LRRIQ1: variants seen among roughly 807,000 people sequenced by gnomAD.
LRRIQ1 encodes the protein leucine-rich repeat- and IQ domain-containing protein 1.
In LRRIQ1, 210 loss-of-function variants were observed where a neutral mutation model predicts 211.9. The ratio of observed to expected loss-of-function variants is 0.99; its 90% CI spans 0.89 to 1.11. The LOEUF is 1.11. LRRIQ1 is among the 50% of genes most tolerant of loss of function. The pLI is 0.00. For synonymous variants in LRRIQ1, 699 were observed against 650.1 expected, an observed-to-expected ratio of 1.08 and a Z score of -1.14; for missense variants, 2,136 against 1,939.5, an observed-to-expected ratio of 1.10 and a Z score of -1.90.
At chr12:85,265,495 A>T (rs1294734381), downstream of LRRIQ1, among the ~76,000 whole-genome samples, 3 of 152,036 alleles carry the variant, frequency 2.0e-5, no homozygotes, top group Non-Finnish European at 4.4e-5. Context: ...ATTATCTGCC[A>T]TGATATTTTT....
intron 23 of LRRIQ1, among the ~76,000 whole-genome samples, chr12:85,155,391 G>GAAAT (rs1438046856): frequency 1.3e-5 from 2 of 151,640 alleles, no homozygotes; most frequent in East Asian, 3.9e-4. Context: ...GTTACCCAGT[G>GAAAT]AAATAGTAAC....
At chr12:85,094,645 A>G (rs1885704623) in intron 11 of LRRIQ1, among the ~76,000 whole-genome samples, 1 of 152,188 alleles carries the variant, frequency 6.6e-6, no homozygotes, top group East Asian at 1.9e-4. Flanking sequence ...TTCTAATTCT[A>G]TAAAAAATGA....
downstream of LRRIQ1, among the ~76,000 whole-genome samples, chr12:85,245,389 G>A (rs1363030796): frequency 4.0e-5 from 6 of 150,766 alleles, no homozygotes; most frequent in Admixed American, 4.0e-4. Context: ...TATTTCCATT[G>A]CATATGTAAG....
chr12:85,229,135 A>C (rs1431479944), intron 24 of LRRIQ1, among the ~76,000 whole-genome samples: 1 of 152,204 alleles, frequency 6.6e-6, no homozygotes, highest in Non-Finnish European at 1.5e-5. Context: ...CATATGGATA[A>C]GAGTGGTATA....
chr12:85,095,721 C>G (rs948746373), intron 11 of LRRIQ1, among the ~76,000 whole-genome samples: 1 of 152,128 alleles, frequency 6.6e-6, no homozygotes, highest in Non-Finnish European at 1.5e-5. Context: ...CTGGTGCCAG[C>G]TCTTCCTGGT....
chr12:85,257,028 A>G (rs1324861426), intron 1 of LRRIQ1, among the ~76,000 whole-genome samples: 5 of 120,180 alleles, frequency 4.2e-5, no homozygotes, highest in African/African-American at 9.6e-5. Flanking sequence ...ATATATACAT[A>G]TAATATATAT....
chr12:85,069,366 G>C (rs1243926398), intron 10 of LRRIQ1, among the ~76,000 whole-genome samples: 2 of 152,008 alleles, frequency 1.3e-5, no homozygotes, highest in African/African-American at 4.8e-5. Context: ...TTGGTTCCAA[G>C]TCTTTGCTAT....
At chr12:85,102,739 A>T (rs572065028) in intron 13 of LRRIQ1, among the ~76,000 whole-genome samples, 1 of 151,220 alleles carries the variant, frequency 6.6e-6, no homozygotes, top group East Asian at 1.9e-4. Context: ...GGTGTTTTCT[A>T]TGGCAGTGAG....
At chr12:85,154,329 A>G (rs563427484) in intron 23 of LRRIQ1, among the ~76,000 whole-genome samples, 1 of 151,278 alleles carries the variant, frequency 6.6e-6, no homozygotes, top group East Asian at 1.9e-4. Flanking sequence ...ATACTTTGCT[A>G]TTGATTGTTC....
In LRRIQ1 at chr12:85,124,134, AG is replaced by A. The variant is rs1448704907; in HGVS notation, c.3623del (p.Ser1208IlefsTer13). 3 of 1,614,004 alleles carry A rather than the reference AG, an allele frequency of 1.9e-6. No homozygotes were observed. Among genetic ancestry groups the A allele is most frequent in the Admixed American group, 1.7e-5 (1 of 60,008 alleles). ...TTATTTTAAGAAATTGATGATACTT[AG>A]TACTGAATACCGACATGCACACGAA... ...CHYFKKLMIL[S>X]TEYRHAHERG... On this transcript the variant is annotated frameshift_variant, in exon 17 of 27. Transcript: ENST00000393217. LOFTEE classifies it high-confidence loss of function.
Position 85,056,687 on chromosome 12 carries a change from GA to G in LRRIQ1, c.1899del (p.Glu634LysfsTer23). On this transcript the variant is annotated frameshift_variant, in exon 8 of 27. Transcript: ENST00000393217. LOFTEE classifies it high-confidence loss of function. ...KDVRENVILQ[E>X]KEIYSKSKEI... ...TGTAAGAGAAAACGTAATATTACAA[GA>G]AAAAGAAATTTATTCAAAATCCAAA... 1 of 1,606,088 alleles carries G rather than the reference GA, an allele frequency of 6.2e-7. No individual in the cohort carries two copies. Among genetic ancestry groups the G allele is most frequent in the Non-Finnish European group, 8.5e-7 (1 of 1,177,064 alleles).
chr12:85,263,123 CAT>C, exon 2 of LRRIQ1: 1 of 931,796 alleles, frequency 1.1e-6, no homozygotes, highest in South Asian at 4.9e-5. Flanking sequence ...GATATCTAGT[CAT>C]GTTACCAACT....
At chr12:85,066,687 T>C in intron 9 of LRRIQ1, 61 bp from the exon 10 acceptor site, 1 of 1,360,436 alleles carries the variant, frequency 7.4e-7, no homozygotes, top group Admixed American at 2.4e-5. Context: ...TTTTGAAAGC[T>C]TTAAATAGTT....
In LRRIQ1 at chr12:85,121,892, T is replaced by A. The variant is rs767337325; in HGVS notation, c.3557+16T>A. 4.5e-6 allele frequency: 7 copies of A among 1,559,336 alleles called. No homozygotes were observed. In the African/African-American group the frequency reaches 6.9e-5, roughly 15 times the overall value. ...CTGGAAAAGGGTAAGATTGTGATCT[T>A]CCCATTGATGTATTTAGAATCAATA... On this transcript the variant is annotated intron_variant, in intron 16 of 26. Transcript: ENST00000393217.
At chr12:85,235,370 T>C (rs1047834853) in intron 26 of LRRIQ1, among the ~76,000 whole-genome samples, 6 of 152,180 alleles carry the variant, frequency 3.9e-5, no homozygotes, top group Non-Finnish European at 7.3e-5. Flanking sequence ...GCAGAGAGTT[T>C]ATTCAGCAGA....
At position 85,244,956 on chromosome 12, in the gene LRRIQ1, T is replaced by A. The variant is rs1411483819; in HGVS notation, c.*15T>A. 6.2e-7 allele frequency: 1 copy of A among 1,608,570 alleles called. No individual in the cohort carries two copies. The highest frequency in any genetic ancestry group is 1.3e-5 in the African/African-American group (1 of 74,646). On this transcript the variant is annotated 3_prime_UTR_variant, in exon 27 of 27. Coordinates refer to ENST00000393217, the MANE Select transcript of LRRIQ1 (RefSeq NM_001079910.2). ...AATTAATTTAGAAATCACAAACGAA[T>A]TGATGGAACCTAATGCCAACAAGCA... is the stretch of plus-strand genomic sequence containing the variant.
At chr12:85,092,985 A>C (rs1885542760) in intron 11 of LRRIQ1, among the ~76,000 whole-genome samples, 1 of 152,194 alleles carries the variant, frequency 6.6e-6, no homozygotes, top group Admixed American at 6.5e-5. Flanking sequence ...TAGATGAAAT[A>C]GCAGAGGATA....
intron 24 of LRRIQ1, among the ~76,000 whole-genome samples, chr12:85,194,181 G>T (rs1204446425): frequency 8.6e-6 from 1 of 115,632 alleles, no homozygotes; most frequent in Admixed American, 9.2e-5. Context: ...AGCAAGTCCT[G>T]AGTGACCTAC....
intron 24 of LRRIQ1, among the ~76,000 whole-genome samples, chr12:85,193,268 A>G (rs1226198963): frequency 1.6e-5 from 2 of 125,052 alleles, no homozygotes; most frequent in African/African-American, 6.1e-5. Flanking sequence ...ATCCAGGAGA[A>G]CTTCCCCAAT....
Sources: gnomAD v4.1 joint callset for allele counts (sites outside exome capture counted in the v4.1 genomes callset) on GRCh38, gnomAD v4.1.1 for gene constraint, MANE v1.5 for transcripts, NCBI Gene and HGNC (gene_info 2026-07-23, HGNC 2026-07-21) for gene names.